The following NTN1 variants were observed in gnomAD, a reference collection of about 807,000 sequenced individuals.
NTN1 encodes netrin-1.
Under a neutral mutation model 54.2 loss-of-function variants are expected in NTN1, and 11 were observed. The ratio of observed to expected loss-of-function variants is 0.20; its 90% confidence interval spans 0.13 to 0.34. The LOEUF is 0.34. NTN1 is among the 10% of genes least tolerant of loss of function. The pLI is 1.00. For synonymous variants in NTN1, 371 were observed against 382.0 expected, an observed-to-expected ratio of 0.97 and a Z score of 0.33; for missense variants, 740 against 893.1, an observed-to-expected ratio of 0.83 and a Z score of 2.18.
chr17:9,219,684 G>C lies in NTN1; in HGVS notation c.1412-1484G>C, dbSNP rs962731317. ...CCTGCAGATCTAAGTCCTGGGTTGGGGTGCAGGTGGCACTGGGAGGCCTCT... is the reference window on the plus strand; with the variant it reads ...CCTGCAGATCTAAGTCCTGGGTTGGCGTGCAGGTGGCACTGGGAGGCCTCT... On this transcript the variant is annotated intron_variant, in intron 5 of 6. Transcript: ENST00000173229. This position sits in a 1 kb window ranked among gnomAD's most constrained non-coding sequence, Gnocchi z 4.5. 3.3e-5 allele frequency among the ~76,000 whole-genome samples: 5 copies of C among 152,164 alleles called. No homozygotes were observed. Among genetic ancestry groups the C allele is most frequent in the Admixed American group, 3.3e-4 (5 of 15,286 alleles).
At chr17:9,012,002 T>G in the NTN1 span, among the ~76,000 whole-genome samples, 3 of 152,208 alleles carry the variant, frequency 2.0e-5, no homozygotes, top group Non-Finnish European at 4.4e-5. Flanking sequence ...CCAGGCAGTC[T>G]GTTAAACCCT....
chr17:9,037,157 A>G (rs1036240152), intron 2 of NTN1, among the ~76,000 whole-genome samples: 1 of 152,206 alleles, frequency 6.6e-6, no homozygotes, highest in Non-Finnish European at 1.5e-5. Flanking sequence ...TTGACTTCCA[A>G]CACAATAGAT....
At chr17:9,195,583 G>A (rs564747272) in intron 5 of NTN1, among the ~76,000 whole-genome samples, 2 of 152,288 alleles carry the variant, frequency 1.3e-5, no homozygotes, top group African/African-American at 4.8e-5. Flanking sequence ...AGGCAGGGGT[G>A]GATGCAGAGA....
At chr17:9,065,158 A>C in intron 2 of NTN1, among the ~76,000 whole-genome samples, 1 of 152,130 alleles carries the variant, frequency 6.6e-6, no homozygotes, top group East Asian at 1.9e-4. Flanking sequence ...GCTGGTCTCG[A>C]ACTCCTGACC....
Position 9,023,150 on chromosome 17 carries a change from C to G in NTN1, c.777C>G (p.Asp259Glu), listed in dbSNP as rs766935068. 2.6e-5 allele frequency: 41 copies of G among 1,564,632 alleles called. No homozygotes were observed. Among genetic ancestry groups the G allele is most frequent in the Non-Finnish European group, 3.5e-5 (40 of 1,153,424 alleles). Residue 259 changes from aspartate to glutamate, a missense_variant, in exon 2 of 7, where the codon GAC becomes GAG. Coordinates refer to ENST00000173229, the MANE Select transcript of NTN1 (RefSeq NM_004822.3). ...TCAGCCGCCTGCACACGTTCGGCGA[C>G]GAGAACGAGGACGACTCGGAGCTGG... ...VAFSRLHTFG[D>E]ENEDDSELAR... is the part of the protein sequence containing the mutation.
At chr17:9,061,653 G>A (rs972293804) in intron 2 of NTN1, among the ~76,000 whole-genome samples, 1 of 152,074 alleles carries the variant, frequency 6.6e-6, no homozygotes, top group African/African-American at 2.4e-5. Flanking sequence ...GGTAAGCGAT[G>A]GGCATCCAGG....
chr17:9,234,938 T>A (rs1905931107), intron 6 of NTN1, among the ~76,000 whole-genome samples: 2 of 150,656 alleles, frequency 1.3e-5, no homozygotes, highest in South Asian at 4.2e-4. Context: ...TTTGTTGGGT[T>A]TTTTTTGTCT....
intron 6 of NTN1, among the ~76,000 whole-genome samples, chr17:9,229,843 C>T (rs1046902552): frequency 6.6e-6 from 1 of 152,048 alleles, no homozygotes; most frequent in Non-Finnish European, 1.5e-5. Flanking sequence ...TGGAGGCAGG[C>T]ATAGAGAAGA....
intron 5 of NTN1, among the ~76,000 whole-genome samples, chr17:9,185,735 C>T (rs2092431357): frequency 6.6e-6 from 1 of 152,184 alleles, no homozygotes; most frequent in Non-Finnish European, 1.5e-5. Flanking sequence ...GGAAAAAAGA[C>T]ACCTGCCTTC....
chr17:9,057,197 C>T (rs1260088944), intron 2 of NTN1, among the ~76,000 whole-genome samples: 2 of 151,302 alleles, frequency 1.3e-5, no homozygotes, highest in Non-Finnish European at 2.9e-5. Flanking sequence ...TCACCCTCAG[C>T]ATGACCAAAG....
intron 2 of NTN1, among the ~76,000 whole-genome samples, chr17:9,137,793 CAA>C (rs547235326): frequency 7.0e-6 from 1 of 141,910 alleles, no homozygotes. Flanking sequence ...GACTCCATCT[CAA>C]AAAAAAAAAA....
chr17:9,136,876 C>T (rs1428212727), intron 2 of NTN1, among the ~76,000 whole-genome samples: 3 of 152,216 alleles, frequency 2.0e-5, no homozygotes, highest in Non-Finnish European at 4.4e-5. Flanking sequence ...CTTCCTCACT[C>T]CTGCCCAGCT....
chr17:9,055,810 C>A (rs747256638), intron 2 of NTN1, among the ~76,000 whole-genome samples: 2 of 152,352 alleles, frequency 1.3e-5, no homozygotes, highest in East Asian at 3.8e-4. Flanking sequence ...CAGCCTCAAC[C>A]TCCCAGGCTC....
intron 2 of NTN1, among the ~76,000 whole-genome samples, chr17:9,145,939 A>AT (rs71135945): frequency 7.2e-6 from 1 of 139,694 alleles, no homozygotes; most frequent in Non-Finnish European, 1.5e-5. Flanking sequence ...AAAAAAAAAA[A>AT]GTGTGGGGTA....
intron 2 of NTN1, among the ~76,000 whole-genome samples, chr17:9,070,109 G>A (rs2092027736): frequency 1.3e-5 from 2 of 152,176 alleles, no homozygotes; most frequent in Admixed American, 1.3e-4. Context: ...ACACTGAGTG[G>A]GTTCAAACTC....
chr17:9,214,201 C>T (rs1410977339), intron 5 of NTN1, among the ~76,000 whole-genome samples: 1 of 151,804 alleles, frequency 6.6e-6, no homozygotes, highest in Non-Finnish European at 1.5e-5. Context: ...TTCATTATTT[C>T]TTCTTTAATA....
intron 2 of NTN1, among the ~76,000 whole-genome samples, chr17:9,032,996 G>A (rs1044377602): frequency 7.1e-6 from 1 of 141,516 alleles, no homozygotes; most frequent in Non-Finnish European, 1.5e-5. Context: ...CTCTGTCATC[G>A]AGGCTGGAGT....
intron 2 of NTN1, among the ~76,000 whole-genome samples, chr17:9,081,516 C>A (rs1333926379): frequency 6.6e-6 from 1 of 152,178 alleles, no homozygotes; most frequent in Non-Finnish European, 1.5e-5. Flanking sequence ...CATACCCACC[C>A]AGATAGTCTC....
chr17:9,169,038 T>C (rs1239937023), intron 3 of NTN1, among the ~76,000 whole-genome samples: 1 of 152,220 alleles, frequency 6.6e-6, no homozygotes, highest in African/African-American at 2.4e-5. Context: ...TGGAAGAGTT[T>C]CACTCCAACT....
Sources: gnomAD v4.1 joint callset for allele counts (sites outside exome capture counted in the v4.1 genomes callset) on GRCh38, gnomAD v4.1.1 for gene constraint, Gnocchi (gnomAD v3.1) non-coding constraint, MANE v1.5 for transcripts, NCBI Gene and HGNC (gene_info 2026-07-23, HGNC 2026-07-21) for gene names.